Variants in USP35 observed in about 807,000 individuals in gnomAD.
USP35 encodes ubiquitin specific peptidase 35, also known as ubiquitin carboxyl-terminal hydrolase 35.
USP35 carries 69 observed loss-of-function variants against 83.8 expected under a neutral mutation model. The observed-to-expected ratio is 0.82, with a 90% CI of 0.68 to 1.01. The LOEUF is 1.01. USP35 is among the 50% of genes least tolerant of loss of function. The pLI, the probability that USP35 is intolerant of heterozygous loss-of-function variation, is 0.00. For missense variants in USP35, 1,503 were observed against 1,362.5 expected (o/e 1.10, Z -1.62); for synonymous variants, 714 against 589.5 (o/e 1.21, Z -3.06).
chr11:78,235,371 C>A, the USP35 span, among the ~76,000 whole-genome samples: 1 of 152,018 alleles, frequency 6.6e-6, no homozygotes, highest in Non-Finnish European at 1.5e-5. Context: ...CCAGGATGGT[C>A]TCGATCTCCT....
the USP35 span, chr11:78,223,362 G>C: frequency 7.0e-7 from 1 of 1,419,702 alleles, no homozygotes; most frequent in Non-Finnish European, 9.3e-7. Flanking sequence ...CAAATGGAAA[G>C]AGTCCCTAGC....
chr11:78,213,498 G>GACCACCCCA (rs1863888579), intron 10 of USP35, 148 bp from the exon 11 acceptor site: 1 of 911,558 alleles, frequency 1.1e-6, no homozygotes, highest in Non-Finnish European at 1.5e-6. Flanking sequence ...TGTCCACCCC[G>GACCACCCCA]GATATCCTGC....
At chr11:78,220,424 A>T in the USP35 span, 1 of 1,584,154 alleles carries the variant, frequency 6.3e-7, no homozygotes, top group Non-Finnish European at 8.6e-7. Context: ...TGGGAACGGG[A>T]GATGCAGACA....
In USP35 at chr11:78,213,928, T is replaced by G; in HGVS notation, c.*115T>G. On this transcript the variant is annotated 3_prime_UTR_variant, in exon 11 of 11. Coordinates refer to ENST00000529308, the MANE Select transcript of USP35 (RefSeq NM_020798.4). ...GATGGTACAGCTCATGGCACCTTAGTCCTCAGCCTGATGAAGGGTACACAG... is the reference window on the plus strand; with the variant it reads ...GATGGTACAGCTCATGGCACCTTAGGCCTCAGCCTGATGAAGGGTACACAG... 8.2e-7 allele frequency: 1 copy of G among 1,218,308 alleles called. No homozygotes were observed. Among genetic ancestry groups the G allele is most frequent in the Non-Finnish European group, 1.1e-6 (1 of 904,438 alleles). 75.5% of individuals were successfully genotyped at this position (1,218,308 alleles called of 1,614,324 possible).
intron 10 of USP35, among the ~76,000 whole-genome samples, chr11:78,212,257 T>G (rs1863812178): frequency 6.6e-6 from 1 of 152,194 alleles, no homozygotes; most frequent in Non-Finnish European, 1.5e-5. Context: ...GTGTGGAGTC[T>G]TATTTCTGAG....
At chr11:78,202,736 A>G (rs1407814528) in intron 6 of USP35, among the ~76,000 whole-genome samples, 1 of 152,218 alleles carries the variant, frequency 6.6e-6, no homozygotes, top group East Asian at 1.9e-4. Context: ...ATAGGTCATG[A>G]GCCCCCGACA....
rs1863930307 is a variant in USP35 at position 78,213,929 on chromosome 11, C to T, written c.*116C>T. On this transcript the variant is annotated 3_prime_UTR_variant, in exon 11 of 11. Transcript: ENST00000529308. The stretch of plus-strand genomic sequence containing the variant: ...ATGGTACAGCTCATGGCACCTTAGT[C>T]CTCAGCCTGATGAAGGGTACACAGA... 8.3e-7 allele frequency: 1 copy of T among 1,207,898 alleles called. No individual in the cohort carries two copies. The highest frequency in any genetic ancestry group is 2.9e-5 in the East Asian group (1 of 34,054). The allele number at this position is 1,207,898 out of a possible 1,614,324, so 74.8% of individuals were successfully genotyped here.
intron 8 of USP35, among the ~76,000 whole-genome samples, chr11:78,207,923 C>T (rs1027445537): frequency 6.6e-6 from 1 of 152,162 alleles, no homozygotes; most frequent in African/African-American, 2.4e-5. Flanking sequence ...ACCAAATACT[C>T]GAGGCTTGGT....
At chr11:78,207,361 AGTT>A in intron 7 of USP35, 166 bp from the exon 8 acceptor site, 1 of 627,310 alleles carries the variant, frequency 1.6e-6, no homozygotes, top group South Asian at 1.9e-5. Context: ...CCCCAGGCTG[AGTT>A]GTTCACCTGC....
intron 10 of USP35, among the ~76,000 whole-genome samples, chr11:78,213,158 C>G (rs1863864829): frequency 6.6e-6 from 1 of 152,230 alleles, no homozygotes; most frequent in African/African-American, 2.4e-5. Flanking sequence ...TTACCAGCAG[C>G]AGCCCAGGGA....
chr11:78,222,222 A>G, the USP35 span: 1 of 1,466,720 alleles, frequency 6.8e-7, no homozygotes, highest in Non-Finnish European at 9.6e-7. Flanking sequence ...AAGTCTGGTA[A>G]TCAGCCAGTA....
chr11:78,190,983 G>T (rs1862986041), intron 1 of USP35, among the ~76,000 whole-genome samples: 1 of 152,186 alleles, frequency 6.6e-6, no homozygotes, highest in Non-Finnish European at 1.5e-5. Flanking sequence ...ACCTTATTCT[G>T]GGTCCAAGGG....
chr11:78,212,558 A>C (rs1234302525), intron 10 of USP35, among the ~76,000 whole-genome samples: 1 of 99,798 alleles, frequency 1.0e-5, no homozygotes, highest in Non-Finnish European at 2.1e-5. Flanking sequence ...GAGTCTTCCT[A>C]TCTATCTGTG....
At chr11:78,231,336 G>GTGTGTGTGT in the USP35 span, among the ~76,000 whole-genome samples, 19 of 145,898 alleles carry the variant, frequency 1.3e-4, no homozygotes, top group African/African-American at 3.6e-4. Context: ...GCGCGTGTGT[G>GTGTGTGTGT]GTGTGTGTGT....
Position 78,199,107 on chromosome 11 carries a change from G to A in USP35, c.807-488G>A, listed in dbSNP as rs1353152617. ...TTGATGGAATATCCTGCTCAATGGT[G>A]AATACGACCTAAGTGTTAGCTGCTG... is the stretch of plus-strand genomic sequence containing the variant. On this transcript the variant is annotated intron_variant, in intron 3 of 10. Transcript: ENST00000529308. 2.3e-5 allele frequency: 4 copies of A among 172,140 alleles called. No individual in the cohort carries two copies. The East Asian group carries it at 6.0e-4, about 26-fold the overall frequency. 10.7% of individuals were successfully genotyped at this position (172,140 alleles called of 1,614,324 possible).
rs758750740 is a variant in USP35, at chr11:78,199,587, C to T, written c.807-8C>T. On this transcript the variant is annotated splice_polypyrimidine_tract_variant and splice_region_variant and intron_variant, in intron 3 of 10. Transcript: ENST00000529308. Reference sequence around the variant, plus strand: ...TTGTCCCTGTGTCACTGTCACTCCCCTCACCAGGATGATTGACTGGGTGTC... The same window carrying T: ...TTGTCCCTGTGTCACTGTCACTCCCTTCACCAGGATGATTGACTGGGTGTC... 3 of 1,614,052 alleles carry T rather than the reference C, an allele frequency of 1.9e-6. No individual in the cohort carries two copies. The highest frequency in any genetic ancestry group is 1.7e-5 in the Admixed American group (1 of 60,002).
Position 78,209,757 on chromosome 11 carries a change from G to A in USP35, c.1902G>A (p.Gly634=), listed in dbSNP as rs1200518092. ...TGCCCCCACCAACCAGTGCACAGGG[G>A]CCAGGCAGGGTGGGTCCTCGGAGGC... ...RELPPPTSAQ[G]PGRVGPRRQR... is the part of the protein sequence containing the mutation. Residue 634 remains glycine, a synonymous_variant, in exon 10 of 11, where the codon GGG becomes GGA. Transcript: ENST00000529308. 3 of 1,614,044 alleles carry A rather than the reference G, an allele frequency of 1.9e-6. No homozygotes were observed. Among genetic ancestry groups the A allele is most frequent in the Admixed American group, 1.7e-5 (1 of 60,010 alleles).
rs541003040 is a variant in USP35, at chr11:78,214,288, T to TG, written c.*480dup. On this transcript the variant is annotated 3_prime_UTR_variant, in exon 11 of 11. Transcript: ENST00000529308. Reference sequence around the variant, plus strand: ...CTGTCCTGTTTGTTTGTTTCTCATATGGGGGTGGGGGGTACCTGCACTGTC... The same window carrying TG: ...CTGTCCTGTTTGTTTGTTTCTCATATGGGGGGTGGGGGGTACCTGCACTGTC... 1.8e-5 allele frequency: 2 copies of TG among 112,490 alleles called. No individual in the cohort carries two copies. The highest frequency in any genetic ancestry group is 7.3e-5 in the African/African-American group (2 of 27,438). The allele number at this position is 112,490 out of a possible 1,614,324, so 7.0% of individuals were successfully genotyped here. A position where few individuals can be genotyped will look rare whatever the true frequency, so the allele number is the denominator to read the frequency against.
At chr11:78,202,127 T>C (rs1169054873) in intron 6 of USP35, among the ~76,000 whole-genome samples, 1 of 152,182 alleles carries the variant, frequency 6.6e-6, no homozygotes, top group African/African-American at 2.4e-5. Context: ...CTTTTTCCTC[T>C]GGAGTGAGGC....
Sources: gnomAD v4.1 joint callset for allele counts (sites outside exome capture counted in the v4.1 genomes callset) on GRCh38, gnomAD v4.1.1 for gene constraint, MANE v1.5 for transcripts, NCBI Gene and HGNC (gene_info 2026-07-23, HGNC 2026-07-21) for gene names.